MRPS22: variants seen among roughly 807,000 people sequenced by gnomAD.
The protein encoded by MRPS22 is mitochondrial ribosomal protein S22.
Under a neutral mutation model 44.0 loss-of-function variants are expected in MRPS22, and 30 were observed. The observed-to-expected ratio is 0.68, with a 90% CI of 0.51 to 0.93. The LOEUF (loss-of-function observed/expected upper bound fraction) is 0.93. Ranked by LOEUF, MRPS22 falls within the 40% of genes least tolerant of loss-of-function variation. The pLI, the probability that MRPS22 is intolerant of heterozygous loss-of-function variation, is 0.00. For synonymous variants in MRPS22, 165 were observed against 154.4 expected (o/e 1.07, Z -0.51); for missense variants, 447 against 447.8 (o/e 1.00, Z 0.02).
Position 139,353,565 on chromosome 3 carries a change from A to G in MRPS22, c.878+773A>G, listed in dbSNP as rs138216370. On this transcript the variant is annotated intron_variant, in intron 6 of 7. Transcript: ENST00000680020. ...TTTTTGACTCGCAGAGTATCCTAAC[A>G]TGTAATACAAACCATATACACAAAG... Among the ~76,000 whole-genome samples, 958 of 152,350 alleles carry G rather than the reference A, an allele frequency of 6.3e-3. 8 individuals carry two copies. The highest frequency in any genetic ancestry group is 0.011 in the Non-Finnish European group (743 of 68,036).
rs751069177 is a variant in MRPS22 at position 139,356,978 on chromosome 3, T to A, written c.1047T>A (p.Tyr349Ter). ...ATATAGAACTAACACTGCAGACTTATCAAGAAGCACTCAGTCGCCATTCTG... is the reference window on the plus strand; with the variant it reads ...ATATAGAACTAACACTGCAGACTTAACAAGAAGCACTCAGTCGCCATTCTG... ...GAYIELTLQT[Y>*]QEALSRHSAA... Residue 349 changes from tyrosine (Y) to a stop codon, truncating the protein, a stop_gained, in exon 8 of 8, where the codon TAT becomes TAA. Transcript: ENST00000680020. LOFTEE classifies it high-confidence loss of function. 6.2e-7 allele frequency: 1 copy of A among 1,612,944 alleles called. No homozygotes were observed. Among genetic ancestry groups the A allele is most frequent in the Non-Finnish European group, 8.5e-7 (1 of 1,179,558 alleles).
At chr3:139,356,591 G>GTAAC (rs1348530143) in intron 7 of MRPS22, among the ~76,000 whole-genome samples, 2 of 152,140 alleles carry the variant, frequency 1.3e-5, no homozygotes, top group Non-Finnish European at 2.9e-5. Context: ...AGTTAGTTTG[G>GTAAC]TAACTCTTAG....
rs1409632855 is a variant in MRPS22 at position 139,344,126 on chromosome 3, G to A, written c.100G>A (p.Gly34Ser). Residue 34 changes from glycine to serine, a missense_variant, in exon 1 of 8, where the codon GGT becomes AGT. Coordinates refer to ENST00000680020, the MANE Select transcript of MRPS22 (RefSeq NM_020191.4). ...CFRARIQPWHGGLLQPLPCSF... is the reference protein window; with the variant it reads ...CFRARIQPWHSGLLQPLPCSF... Reference sequence around the variant, plus strand: ...CCGGGCTCGAATCCAGCCCTGGCACGGTGGCCTGCTCCAACCGCTACCTTG... The same window carrying A: ...CCGGGCTCGAATCCAGCCCTGGCACAGTGGCCTGCTCCAACCGCTACCTTG... 1 of 1,613,964 alleles carries A rather than the reference G, an allele frequency of 6.2e-7. No homozygotes were observed.
chr3:139,355,797 T>G lies in MRPS22; in HGVS notation c.987+7T>G. 5 of 1,601,222 alleles carry G rather than the reference T, an allele frequency of 3.1e-6. No homozygotes were observed. The highest frequency in any genetic ancestry group is 4.3e-6 in the Non-Finnish European group (5 of 1,169,228). ...GGGAATAAATTTAATCAAGGTAAAG[T>G]TTTTTTTTCATATTGGTTGTTTTGT... is the stretch of plus-strand genomic sequence containing the variant. On this transcript the variant is annotated splice_region_variant and intron_variant, in intron 7 of 7. Transcript: ENST00000680020.
At chr3:139,354,460 T>C (rs1370937943) in intron 6 of MRPS22, among the ~76,000 whole-genome samples, 2 of 152,202 alleles carry the variant, frequency 1.3e-5, no homozygotes. Flanking sequence ...CTTAATTTTT[T>C]ATTGGGGAGA....
intron 1 of MRPS22, among the ~76,000 whole-genome samples, chr3:139,346,031 T>C (rs1941033534): frequency 6.6e-6 from 1 of 152,160 alleles, no homozygotes; most frequent in South Asian, 2.1e-4. Flanking sequence ...TCTTTTTTGC[T>C]AATGGAAATG....
Position 139,350,186 on chromosome 3 carries a change from T to G in MRPS22, c.512T>G (p.Phe171Cys). 2 of 1,614,190 alleles carry G rather than the reference T, an allele frequency of 1.2e-6. No homozygotes were observed. Among genetic ancestry groups the G allele is most frequent in the Non-Finnish European group, 1.7e-6 (2 of 1,180,014 alleles). Reference sequence around the variant, plus strand: ...TATGTTTTTCTATTTTAGGAGCGTTTTATTGTCGTCAGAGAACCAAGTGGC... The same window carrying G: ...TATGTTTTTCTATTTTAGGAGCGTTGTATTGTCGTCAGAGAACCAAGTGGC... ...ISYSIPHRER[F>C]IVVREPSGTL... Residue 171 changes from phenylalanine to cysteine, a missense_variant, in exon 4 of 8, where the codon TTT (phenylalanine) becomes TGT (cysteine). Coordinates refer to ENST00000680020, the MANE Select transcript of MRPS22 (RefSeq NM_020191.4).
chr3:139,346,974 CTT>C lies in MRPS22; in HGVS notation c.272_273del (p.Phe91Ter). The stretch of plus-strand genomic sequence containing the variant: ...ATGACAGGCTTGAACTTGCAGAAGA[CTT>C]TTAAGCCAGCTATACAAGAACTGAA... On this transcript the variant is annotated frameshift_variant, in exon 2 of 8. Transcript: ENST00000680020. LOFTEE classifies it high-confidence loss of function. The C allele has an allele frequency of 4.3e-6, 7 of 1,614,186 alleles. No homozygotes were observed. The highest frequency in any genetic ancestry group is 5.9e-6 in the Non-Finnish European group (7 of 1,180,038).
Position 139,350,977 on chromosome 3 carries a change from A to T in MRPS22, c.649A>T (p.Thr217Ser), listed in dbSNP as rs923102105. The change falls in exon 5 of 8, where the codon ACT (threonine) becomes TCT (serine). Residue 217 changes from threonine to serine, a missense_variant and splice_region_variant. Physicochemically the swap from Thr to Ser is moderately conservative, Grantham distance 58. Coordinates refer to ENST00000680020, the MANE Select transcript of MRPS22 (RefSeq NM_020191.4). ...PIIFKEENLR[T>S]MYSQDRHVDV... Reference sequence around the variant, plus strand: ...TGCTAACTCTGCTGTGTGGTTTTAGACTATGTATAGCCAGGACAGGCATGT... The same window carrying T: ...TGCTAACTCTGCTGTGTGGTTTTAGTCTATGTATAGCCAGGACAGGCATGT... 5 of 1,613,640 alleles carry T rather than the reference A, an allele frequency of 3.1e-6. No individual in the cohort carries two copies. The highest frequency in any genetic ancestry group is 4.2e-6 in the Non-Finnish European group (5 of 1,179,636).
Position 139,357,049 on chromosome 3 carries a change from C to CTG in MRPS22, c.*36_*37dup. The CTG allele has an allele frequency of 6.9e-7, 1 of 1,439,536 alleles. No homozygotes were observed. Among genetic ancestry groups the CTG allele is most frequent in the South Asian group, 1.2e-5 (1 of 85,004 alleles). The allele number at this position is 1,439,536 out of a possible 1,614,324, so 89.2% of individuals were successfully genotyped here. On this transcript the variant is annotated 3_prime_UTR_variant, in exon 8 of 8. Transcript: ENST00000680020. Reference sequence around the variant, plus strand: ...AAAAATACATTTATTTTACTAAATACTGACTACATTTCTCTGTTAATATTG... The same window carrying CTG: ...AAAAATACATTTATTTTACTAAATACTGTGACTACATTTCTCTGTTAATATTG...
At chr3:139,355,411 T>C (rs990654040) in intron 6 of MRPS22, among the ~76,000 whole-genome samples, 2 of 152,204 alleles carry the variant, frequency 1.3e-5, no homozygotes, top group African/African-American at 4.8e-5. Context: ...AAAAAGAATA[T>C]AGCCACATTT....
intron 5 of MRPS22, 168 bp downstream of exon 5, chr3:139,351,228 C>T: frequency 1.6e-6 from 1 of 621,698 alleles, no homozygotes; most frequent in Non-Finnish European, 2.9e-6. Flanking sequence ...TTTATAATCA[C>T]AACAACCCTT....
intron 2 of MRPS22, among the ~76,000 whole-genome samples, chr3:139,347,863 A>ACC (rs1346384379): frequency 6.6e-6 from 1 of 152,204 alleles, no homozygotes; most frequent in Non-Finnish European, 1.5e-5. Context: ...CATAGTAAGC[A>ACC]CCCCAAAACT....
At chr3:139,344,538 A>G in intron 1 of MRPS22, 1 of 611,332 alleles carries the variant, frequency 1.6e-6, no homozygotes, top group Non-Finnish European at 2.9e-6. Flanking sequence ...TAGGGGACGC[A>G]CACAGGAGAG....
In MRPS22 at chr3:139,356,965, C is replaced by T; in HGVS notation, c.1034C>T (p.Thr345Ile). 14 of 1,613,170 alleles carry T rather than the reference C, an allele frequency of 8.7e-6. No individual in the cohort carries two copies. Among genetic ancestry groups the T allele is most frequent in the Non-Finnish European group, 1.2e-5 (14 of 1,179,624 alleles). The change falls in exon 8 of 8, where the codon ACA becomes ATA. Residue 345 changes from threonine (T) to isoleucine (I), a missense_variant. Transcript: ENST00000680020. ...CAGAAGGGAGCCTATATAGAACTAA[C>T]ACTGCAGACTTATCAAGAAGCACTC... is the stretch of plus-strand genomic sequence containing the variant. Reference protein sequence around the residue: ...EAQKGAYIELTLQTYQEALSR... With the variant: ...EAQKGAYIELILQTYQEALSR...
chr3:139,348,083 T>G lies in MRPS22; in HGVS notation c.340-77T>G. ...CTATGCAGGTTTTTGCATTTTTTAT[T>G]AGTATGTGCTTTTGTCAGATGATCC... is the stretch of plus-strand genomic sequence containing the variant. On this transcript the variant is annotated intron_variant, in intron 2 of 7. Coordinates refer to ENST00000680020, the MANE Select transcript of MRPS22 (RefSeq NM_020191.4). The G allele has an allele frequency of 5.5e-6, 8 of 1,461,048 alleles. No individual in the cohort carries two copies. In the South Asian group the frequency reaches 9.6e-5, roughly 18 times the overall value. The allele number at this position is 1,461,048 out of a possible 1,614,324, so 90.5% of individuals were successfully genotyped here.
chr3:139,346,508 T>C lies in MRPS22; in HGVS notation c.173-370T>C, dbSNP rs116470632. Among the ~76,000 whole-genome samples the C allele has an allele frequency of 2.3e-3, 356 of 152,350 alleles. 4 individuals are homozygous for C. The highest frequency in any genetic ancestry group is 8.4e-3 in the African/African-American group (350 of 41,574). On this transcript the variant is annotated intron_variant, in intron 1 of 7. Transcript: ENST00000680020. ...GGCTTCAGCATCCTCATTTATAAAA[T>C]TGGGTTTATCAGTACCTATTTTGTG...
intron 1 of MRPS22, chr3:139,344,756 A>T: frequency 1.5e-6 from 1 of 671,616 alleles, no homozygotes. Context: ...TTTGGATATG[A>T]GTTTAAAGGG....
chr3:139,346,852 T>C, intron 1 of MRPS22, 26 bp from the exon 2 acceptor site: 8 of 1,613,738 alleles, frequency 5.0e-6, no homozygotes, highest in Non-Finnish European at 6.8e-6. Context: ...TTTTGTCAGC[T>C]TCTTATTTAC....
Sources: gnomAD v4.1 joint callset for allele counts (sites outside exome capture counted in the v4.1 genomes callset) on GRCh38, gnomAD v4.1.1 for gene constraint, MANE v1.5 for transcripts, NCBI Gene and HGNC (gene_info 2026-07-23, HGNC 2026-07-21) for gene names.